MAGI2: variants seen among roughly 807,000 people sequenced by gnomAD.
MAGI2 encodes the protein membrane associated guanylate kinase, WW and PDZ domain containing 2.
In MAGI2, 35 loss-of-function variants were observed where a neutral mutation model predicts 133.3. That is an observed-to-expected ratio of 0.26 (90% CI 0.20 to 0.35). MAGI2 has a LOEUF of 0.35. MAGI2 is among the 10% of genes least tolerant of loss of function. The probability of loss-of-function intolerance (pLI) is 1.00; values close to 1 mark genes in which losing one functional copy is unlikely to be tolerated. For synonymous variants in MAGI2, 729 were observed against 710.6 expected (o/e 1.03, Z -0.41); for missense variants, 1,636 against 1,863.4 (o/e 0.88, Z 2.25).
intron 10 of MAGI2, among the ~76,000 whole-genome samples, chr7:78,224,082 C>G (rs1240102884): frequency 6.6e-6 from 1 of 152,112 alleles, no homozygotes; most frequent in African/African-American, 2.4e-5. Context: ...TTCTCATTCT[C>G]AATTCTACAG....
At chr7:78,507,792 T>C (rs56332610) in intron 4 of MAGI2, among the ~76,000 whole-genome samples, 8,703 of 152,262 alleles carry the variant, frequency 0.057, 295 homozygotes, top group Middle Eastern at 0.16. Context: ...TAGAAACATT[T>C]ATTTAGAGCA....
intron 1 of MAGI2, among the ~76,000 whole-genome samples, chr7:79,210,059 A>G (rs1829378874): frequency 6.6e-6 from 1 of 152,126 alleles, no homozygotes; most frequent in African/African-American, 2.4e-5. Context: ...GCTAGCTTTC[A>G]TATTTTGCAT....
At chr7:78,624,802 C>T (rs1050923788) in intron 3 of MAGI2, among the ~76,000 whole-genome samples, 1 of 152,026 alleles carries the variant, frequency 6.6e-6, no homozygotes, top group Non-Finnish European at 1.5e-5. Context: ...ATAGCACATA[C>T]GGTTATGTAT....
At chr7:79,339,687 T>C (rs751839142) in intron 1 of MAGI2, among the ~76,000 whole-genome samples, 2 of 152,172 alleles carry the variant, frequency 1.3e-5, no homozygotes, top group Admixed American at 6.6e-5. Context: ...TGAAGTTCAG[T>C]CTCTAGTACG....
At chr7:78,225,192 C>A (rs1251476697) in intron 10 of MAGI2, among the ~76,000 whole-genome samples, 1 of 152,112 alleles carries the variant, frequency 6.6e-6, no homozygotes, top group Non-Finnish European at 1.5e-5. Flanking sequence ...TGAATTCTTA[C>A]CCCCTTATTT....
At chr7:79,301,671 G>A (rs1222128056) in intron 1 of MAGI2, among the ~76,000 whole-genome samples, 2 of 152,188 alleles carry the variant, frequency 1.3e-5, no homozygotes, top group African/African-American at 4.8e-5. Flanking sequence ...GGAGCTATTG[G>A]GAGGGAATGA....
chr7:79,247,458 A>T (rs1832906298), intron 1 of MAGI2, among the ~76,000 whole-genome samples: 1 of 152,074 alleles, frequency 6.6e-6, no homozygotes, highest in Non-Finnish European at 1.5e-5. Flanking sequence ...CTAAAAAAAT[A>T]AAAAATTCGC....
intron 9 of MAGI2, among the ~76,000 whole-genome samples, chr7:78,331,244 A>T (rs1789160606): frequency 6.6e-6 from 1 of 152,164 alleles, no homozygotes; most frequent in African/African-American, 2.4e-5. Flanking sequence ...CTGAGAAACT[A>T]CCTATTGGGT....
At chr7:78,888,224 C>T (rs566080492) in intron 2 of MAGI2, among the ~76,000 whole-genome samples, 6 of 152,290 alleles carry the variant, frequency 3.9e-5, no homozygotes, top group East Asian at 1.9e-4. Context: ...GTAAACAAAG[C>T]GGCCAGGAAG....
intron 18 of MAGI2, among the ~76,000 whole-genome samples, chr7:78,132,668 G>T (rs1002950937): frequency 4.6e-5 from 7 of 152,176 alleles, no homozygotes; most frequent in African/African-American, 1.4e-4. Flanking sequence ...CACCATTTCT[G>T]CAGGAAAGCA....
intron 1 of MAGI2, chr7:79,413,123 T>C (rs1846253236): frequency 6.6e-6 from 1 of 152,132 alleles, no homozygotes; most frequent in Non-Finnish European, 1.5e-5. Context: ...TATTGAACAA[T>C]CCGATCTTTC....
intron 20 of MAGI2, among the ~76,000 whole-genome samples, chr7:78,082,466 C>T (rs998423062): frequency 1.3e-5 from 2 of 152,154 alleles, no homozygotes; most frequent in Non-Finnish European, 1.5e-5. Context: ...GGGCTGACCT[C>T]TTCACCTGGC....
At chr7:78,276,768 C>T (rs1057010685) in intron 9 of MAGI2, among the ~76,000 whole-genome samples, 1 of 151,824 alleles carries the variant, frequency 6.6e-6, no homozygotes, top group Non-Finnish European at 1.5e-5. Context: ...AAAATGTTAA[C>T]CTGGTTATCT....
Position 78,019,625 on chromosome 7 carries a change from G to A in MAGI2, c.4058C>T (p.Ala1353Val). 1.0e-6 allele frequency: 1 copy of A among 997,178 alleles called. No individual in the cohort carries two copies. Among genetic ancestry groups the A allele is most frequent in the South Asian group, 4.5e-5 (1 of 22,130 alleles). 61.8% of individuals were successfully genotyped at this position (997,178 alleles called of 1,614,324 possible). The change falls in exon 22 of 22, where the codon GCG becomes GTG. Residue 1353 changes from alanine to valine, a missense_variant. Ala to Val is a moderately conservative substitution (Grantham distance 64, BLOSUM62 0). This residue lies in a region of MAGI2 where 354 missense variants were observed against 298.7 expected (regional missense o/e 1.19). Coordinates refer to ENST00000354212, the MANE Select transcript of MAGI2 (RefSeq NM_012301.4). ...CGCCGCGTCCGCCGCGTCTGCCGCC[G>A]CGAGCCCGGGCGCCCTGGCCTCCGA... ...PASEARAPGL[A>V]AADAADAARA...
chr7:78,294,641 A>ACTAT (rs368361269), intron 9 of MAGI2, among the ~76,000 whole-genome samples: 97 of 151,744 alleles, frequency 6.4e-4, no homozygotes, highest in African/African-American at 2.3e-3. Context: ...CTAGTAGTGC[A>ACTAT]CTATCTATCT....
intron 1 of MAGI2, among the ~76,000 whole-genome samples, chr7:79,300,382 T>C: frequency 6.6e-6 from 1 of 152,168 alleles, no homozygotes; most frequent in Admixed American, 6.5e-5. Context: ...TGTGATGCCT[T>C]AGCAAAGAGC....
At chr7:78,330,921 C>T (rs150497233) in intron 9 of MAGI2, among the ~76,000 whole-genome samples, 4 of 152,128 alleles carry the variant, frequency 2.6e-5, no homozygotes, top group African/African-American at 9.6e-5. Context: ...ACGAACTGAA[C>T]GAATCTGACA....
intron 1 of MAGI2, among the ~76,000 whole-genome samples, chr7:79,163,452 G>C (rs555657888): frequency 6.6e-6 from 1 of 152,034 alleles, no homozygotes; most frequent in Non-Finnish European, 1.5e-5. Context: ...AGGATTACAG[G>C]TTTCAGCCAC....
At chr7:79,384,058 G>T (rs965715277) in intron 1 of MAGI2, among the ~76,000 whole-genome samples, 1 of 151,192 alleles carries the variant, frequency 6.6e-6, no homozygotes, top group Admixed American at 6.6e-5. Flanking sequence ...AATGGTTTGG[G>T]GGTAAACAAT....
Sources: allele counts gnomAD v4.1 joint callset (sites outside exome capture counted in the v4.1 genomes callset), GRCh38; gene constraint gnomAD v4.1.1; regional missense constraint gnomAD v4.1.1; transcripts MANE v1.5; gene names NCBI Gene and HGNC (gene_info 2026-07-23, HGNC 2026-07-21).